SND1: variants seen among roughly 807,000 people sequenced by gnomAD.
SND1 encodes staphylococcal nuclease and tudor domain containing 1, also known as staphylococcal nuclease domain-containing protein 1.
Under a neutral mutation model 121.7 loss-of-function variants are expected in SND1, and 38 were observed. The observed-to-expected ratio is 0.31, with a 90% CI of 0.24 to 0.41. The LOEUF (loss-of-function observed/expected upper bound fraction) is 0.41, where lower values mean the gene tolerates loss of function less well. Among genes scored for constraint, SND1 ranks in the 10% least tolerant of loss-of-function variants. The probability of loss-of-function intolerance (pLI) is 1.00; values close to 1 mark genes in which losing one functional copy is unlikely to be tolerated. For synonymous variants in SND1, 401 were observed against 447.4 expected (o/e 0.90, Z 1.31); for missense variants, 868 against 1,184.6 (o/e 0.73, Z 3.92).
chr7:127,729,439 CT>C (rs10712716), intron 10 of SND1, among the ~76,000 whole-genome samples: 88,704 of 97,168 alleles, frequency 0.91, 40,683 homozygotes, highest in Admixed American at 0.95. Flanking sequence ...AGATAAATTA[CT>C]TTTTTTTTTT....
At position 128,085,642 on chromosome 7, in the gene SND1, T is replaced by A; in HGVS notation, c.2235-69T>A. On this transcript the variant is annotated intron_variant, in intron 19 of 23. Transcript: ENST00000354725. The surrounding 1 kb of genome is among the most constrained non-coding windows in gnomAD (Gnocchi z 4.4). The stretch of plus-strand genomic sequence containing the variant: ...GAAATGCTGTGCCCCTGCCCCGCCA[T>A]TGCTGAGGCTCTGGGAGCCCAGAGT... 1 of 1,395,766 alleles carries A rather than the reference T, an allele frequency of 7.2e-7. No individual in the cohort carries two copies. Among genetic ancestry groups the A allele is most frequent in the South Asian group, 1.2e-5 (1 of 86,168 alleles). 86.5% of individuals were successfully genotyped at this position (1,395,766 alleles called of 1,614,324 possible). A position where few individuals can be genotyped will look rare whatever the true frequency, so the allele number is the denominator to read the frequency against.
intron 15 of SND1, among the ~76,000 whole-genome samples, chr7:127,957,138 C>T (rs1801613039): frequency 1.3e-5 from 2 of 152,164 alleles, no homozygotes; most frequent in Admixed American, 6.5e-5. Context: ...TCCCCAGGTC[C>T]CCAAGAAGAT....
intron 15 of SND1, 65 bp downstream of exon 15, chr7:127,929,394 C>T: frequency 2.6e-6 from 4 of 1,546,762 alleles, no homozygotes; most frequent in South Asian, 2.2e-5. Context: ...ACATACCCTC[C>T]TTTCCCCCTG....
intron 15 of SND1, among the ~76,000 whole-genome samples, chr7:127,958,620 A>G (rs1801656155): frequency 6.6e-6 from 1 of 152,180 alleles, no homozygotes; most frequent in Admixed American, 6.5e-5. Context: ...CTGGATAAAT[A>G]TGACACATCT....
intron 1 of SND1, among the ~76,000 whole-genome samples, chr7:127,666,722 G>C (rs775296556): frequency 6.6e-6 from 1 of 152,088 alleles, no homozygotes; most frequent in Non-Finnish European, 1.5e-5. Flanking sequence ...TGCAGTGCCG[G>C]GATCATAAAC....
chr7:127,711,617 T>TA (rs1175666355), intron 9 of SND1, among the ~76,000 whole-genome samples: 10 of 152,156 alleles, frequency 6.6e-5, no homozygotes, highest in Admixed American at 6.5e-4. Flanking sequence ...CCTCAATGTT[T>TA]AGTTGTTTTG....
Position 127,660,622 on chromosome 7 carries a change from A to G in SND1, c.78+8171A>G, listed in dbSNP as rs576478323. Among the ~76,000 whole-genome samples the G allele has an allele frequency of 5.3e-5, 8 of 152,318 alleles. No individual in the cohort carries two copies. In the East Asian group the frequency reaches 1.3e-3, roughly 26 times the overall value. The stretch of plus-strand genomic sequence containing the variant: ...CATTCACCTGGAAATCTCATATTCA[A>G]AATCCTCCAGTGAGCATTTTCTTTG... On this transcript the variant is annotated intron_variant, in intron 1 of 23. Coordinates refer to ENST00000354725, the MANE Select transcript of SND1 (RefSeq NM_014390.4).
chr7:127,962,291 A>G (rs1280797935), intron 15 of SND1, among the ~76,000 whole-genome samples: 1 of 152,206 alleles, frequency 6.6e-6, no homozygotes, highest in East Asian at 1.9e-4. Context: ...AATCAAACAG[A>G]GGAGTGTTAG....
intron 10 of SND1, among the ~76,000 whole-genome samples, chr7:127,805,696 G>C (rs1275234643): frequency 6.6e-6 from 1 of 152,176 alleles, no homozygotes; most frequent in Admixed American, 6.5e-5. Context: ...AATGATGAAG[G>C]CTGTTTACTT....
At chr7:127,964,246 C>T (rs1801804297) in intron 15 of SND1, among the ~76,000 whole-genome samples, 1 of 151,444 alleles carries the variant, frequency 6.6e-6, no homozygotes, top group Non-Finnish European at 1.5e-5. Context: ...TGTGCAGAAG[C>T]TCTTGAGTTT....
In SND1 at chr7:128,066,296, G is replaced by A. The variant is rs183815416; in HGVS notation, c.1780-8206G>A. 1.1e-3 allele frequency among the ~76,000 whole-genome samples: 164 copies of A among 152,350 alleles called. 2 individuals are homozygous for A. In the Middle Eastern group the frequency reaches 0.02, roughly 19 times the overall value. ...CACAGCACAGGCCTTTTCTTTTCAG[G>A]AGCCTCTTGGCCCCTCTTGCTGGTG... On this transcript the variant is annotated intron_variant, in intron 16 of 23. Coordinates refer to ENST00000354725, the MANE Select transcript of SND1 (RefSeq NM_014390.4).
In SND1 at chr7:128,015,452, A is replaced by C. The variant is rs1803205725; in HGVS notation, c.1779+24396A>C. ...ACTTTGCTCCCTAAGTATTTATAGG[A>C]GCTGAGAGTCAAAAAAGCACATGTC... On this transcript the variant is annotated intron_variant, in intron 16 of 23. Transcript: ENST00000354725. The surrounding 1 kb of genome is among the most constrained non-coding windows in gnomAD (Gnocchi z 4.5). 6.6e-6 allele frequency among the ~76,000 whole-genome samples: 1 copy of C among 152,160 alleles called. No homozygotes were observed. Among genetic ancestry groups the C allele is most frequent in the Admixed American group, 6.5e-5 (1 of 15,284 alleles).
At chr7:128,066,236 A>G (rs1487761936) in intron 16 of SND1, among the ~76,000 whole-genome samples, 1 of 152,100 alleles carries the variant, frequency 6.6e-6, no homozygotes, top group Non-Finnish European at 1.5e-5. Context: ...CAGGCGGGAG[A>G]GAAAGCCACC....
intron 10 of SND1, among the ~76,000 whole-genome samples, chr7:127,747,559 C>A (rs559924822): frequency 1.3e-5 from 2 of 152,264 alleles, no homozygotes; most frequent in Admixed American, 6.5e-5. Context: ...AACTTCATGT[C>A]CAGCCTGGAA....
chr7:127,814,404 G>C (rs901572660), intron 11 of SND1, among the ~76,000 whole-genome samples: 3 of 152,020 alleles, frequency 2.0e-5, no homozygotes, highest in Non-Finnish European at 4.4e-5. Context: ...ATACCTCCTG[G>C]TTTACAGAGA....
intron 10 of SND1, among the ~76,000 whole-genome samples, chr7:127,800,405 T>A (rs535455167): frequency 1.3e-5 from 2 of 152,364 alleles, no homozygotes; most frequent in African/African-American, 4.8e-5. Context: ...ATAGAACTTT[T>A]GTAGTTAAAT....
chr7:127,676,711 G>A (rs1448597775), intron 1 of SND1, among the ~76,000 whole-genome samples: 1 of 152,148 alleles, frequency 6.6e-6, no homozygotes, highest in Admixed American at 6.5e-5. Context: ...GAATTCAGTG[G>A]TGAGAGAATT....
intron 15 of SND1, among the ~76,000 whole-genome samples, chr7:127,970,067 T>G (rs1264106842): frequency 6.6e-6 from 1 of 152,238 alleles, no homozygotes; most frequent in Non-Finnish European, 1.5e-5. Context: ...GTAGTCTATA[T>G]AGTCACTTGT....
rs1160614427 is a variant in SND1 at position 128,029,323 on chromosome 7, T to C, written c.1779+38267T>C. 1 of 1,614,100 alleles carries C rather than the reference T, an allele frequency of 6.2e-7. No individual in the cohort carries two copies. Among genetic ancestry groups the C allele is most frequent in the Admixed American group, 1.7e-5 (1 of 60,028 alleles). On this transcript the variant is annotated intron_variant, in intron 16 of 23. Coordinates refer to ENST00000354725, the MANE Select transcript of SND1 (RefSeq NM_014390.4). The surrounding 1 kb of genome is among the most constrained non-coding windows in gnomAD (Gnocchi z 4.2). ...GTGTTAAGCTCAGCCGTGCTCACATTGAGGTAGGCCGAGGCGTTGGAGTTG... is the reference window on the plus strand; with the variant it reads ...GTGTTAAGCTCAGCCGTGCTCACATCGAGGTAGGCCGAGGCGTTGGAGTTG...
Sources: allele counts gnomAD v4.1 joint callset (sites outside exome capture counted in the v4.1 genomes callset), GRCh38; gene constraint gnomAD v4.1.1; non-coding constraint Gnocchi (gnomAD v3.1); transcripts MANE v1.5; gene names NCBI Gene and HGNC (gene_info 2026-07-23, HGNC 2026-07-21).